Variants in FER observed in about 807,000 individuals in gnomAD.
FER encodes FER tyrosine kinase.
A neutral mutation model predicts 111.0 loss-of-function variants in FER; 63 were observed. The observed-to-expected ratio is 0.57, with a 90% CI of 0.46 to 0.70. The LOEUF is 0.70. FER is among the 30% of genes least tolerant of loss of function. The pLI is 0.00. For synonymous variants in FER, 327 were observed against 313.9 expected (o/e 1.04, Z -0.44); for missense variants, 914 against 954.0 (o/e 0.96, Z 0.55).
In FER at chr5:108,848,945, T is replaced by A. The variant is rs183444339; in HGVS notation, c.481+13138T>A. Among the ~76,000 whole-genome samples the A allele has an allele frequency of 5.2e-3, 798 of 152,188 alleles. 8 individuals carry two copies. Among genetic ancestry groups the A allele is most frequent in the African/African-American group, 0.018 (760 of 41,556 alleles). On this transcript the variant is annotated intron_variant, in intron 5 of 19. Coordinates refer to ENST00000281092, the MANE Select transcript of FER (RefSeq NM_005246.4). ...TTTTTGGGAGTATAGAATTTTTTTT[T>A]AAACAGATTTTTACCTCTTTATGTA...
At chr5:108,924,780 C>G in intron 10 of FER, 1 of 1,232,040 alleles carries the variant, frequency 8.1e-7, no homozygotes, top group Non-Finnish European at 1.0e-6. Context: ...CAGAAGTCCA[C>G]AGAGATCAGG....
intron 16 of FER, among the ~76,000 whole-genome samples, chr5:109,070,129 G>T (rs765316183): frequency 2.8e-5 from 4 of 142,252 alleles, no homozygotes; most frequent in Admixed American, 2.1e-4. Flanking sequence ...AATAATAAAG[G>T]TTGATTTTTT....
At chr5:108,908,066 T>C (rs1481947715) in intron 10 of FER, among the ~76,000 whole-genome samples, 1 of 152,206 alleles carries the variant, frequency 6.6e-6, no homozygotes, top group Admixed American at 6.5e-5. Flanking sequence ...AATTAGATTT[T>C]CTTCCTTTGA....
chr5:109,150,072 A>G (rs1011975280), intron 17 of FER, among the ~76,000 whole-genome samples: 1 of 151,982 alleles, frequency 6.6e-6, no homozygotes, highest in African/African-American at 2.4e-5. Flanking sequence ...TCATCCCCAA[A>G]ATATCCCCAC....
At chr5:109,087,814 A>T (rs1561878362) in intron 16 of FER, among the ~76,000 whole-genome samples, 1 of 151,872 alleles carries the variant, frequency 6.6e-6, no homozygotes, top group African/African-American at 2.4e-5. Flanking sequence ...TTTGAGTAGA[A>T]TATCTATAAT....
At chr5:109,137,529 G>T (rs1001010715) in intron 17 of FER, among the ~76,000 whole-genome samples, 1 of 152,220 alleles carries the variant, frequency 6.6e-6, no homozygotes, top group African/African-American at 2.4e-5. Context: ...TCCAATTGTA[G>T]AGAATAAAGT....
At chr5:109,183,118 G>A (rs781754317) in intron 18 of FER, among the ~76,000 whole-genome samples, 4 of 152,212 alleles carry the variant, frequency 2.6e-5, no homozygotes, top group Middle Eastern at 3.4e-3. Context: ...TATAGGAGAC[G>A]TTTATAGTAT....
In FER at chr5:109,190,581, A is replaced by C. The variant is rs1259153099; in HGVS notation, c.*3006A>C. The C allele has an allele frequency of 6.6e-6, 1 of 152,144 alleles. No individual in the cohort carries two copies. Among genetic ancestry groups the C allele is most frequent in the East Asian group, 1.9e-4 (1 of 5,192 alleles). 9.4% of individuals were successfully genotyped at this position (152,144 alleles called of 1,614,324 possible). On this transcript the variant is annotated 3_prime_UTR_variant, in exon 20 of 20. Transcript: ENST00000281092. Reference sequence around the variant, plus strand: ...AAACCTAAAATTAATTTTGCATTCCATGTAATCTAAGGCCAAAGCCAACAT... The same window carrying C: ...AAACCTAAAATTAATTTTGCATTCCCTGTAATCTAAGGCCAAAGCCAACAT...
At chr5:109,091,870 A>G (rs1271568295) in intron 16 of FER, among the ~76,000 whole-genome samples, 3 of 152,180 alleles carry the variant, frequency 2.0e-5, no homozygotes, top group African/African-American at 7.2e-5. Flanking sequence ...GTGAATAAAT[A>G]AAGAGGGAAG....
chr5:108,799,648 G>T (rs1756414444), intron 3 of FER, among the ~76,000 whole-genome samples: 1 of 152,088 alleles, frequency 6.6e-6, no homozygotes, highest in Non-Finnish European at 1.5e-5. Context: ...AATTTAACTG[G>T]ATATCCTTTA....
At chr5:108,855,594 G>GAA (rs199949845) in intron 5 of FER, among the ~76,000 whole-genome samples, 24,735 of 102,412 alleles carry the variant, frequency 0.24, 2,585 homozygotes, top group Middle Eastern at 0.28. Context: ...GCACTCCAGC[G>GAA]AAAAAAAAAA....
At chr5:108,911,538 G>A (rs779042559) in intron 10 of FER, among the ~76,000 whole-genome samples, 4 of 152,090 alleles carry the variant, frequency 2.6e-5, no homozygotes, top group Non-Finnish European at 5.9e-5. Context: ...AATTCTTCGT[G>A]TAGGCCAATG....
intron 17 of FER, among the ~76,000 whole-genome samples, chr5:109,110,575 T>G (rs1749486560): frequency 6.6e-6 from 1 of 152,050 alleles, no homozygotes; most frequent in Non-Finnish European, 1.5e-5. Context: ...CCACATGAGG[T>G]GGGGGTAATT....
chr5:108,962,272 G>A (rs1759247023), intron 13 of FER, among the ~76,000 whole-genome samples: 1 of 152,100 alleles, frequency 6.6e-6, no homozygotes. Context: ...TGTAAAGAGG[G>A]GTTATTAATC....
intron 17 of FER, among the ~76,000 whole-genome samples, chr5:109,128,719 A>C (rs1342909783): frequency 6.6e-6 from 1 of 152,184 alleles, no homozygotes; most frequent in Non-Finnish European, 1.5e-5. Flanking sequence ...TAAAATAATA[A>C]ATACACATAT....
chr5:109,082,166 C>T (rs770120382), intron 16 of FER, among the ~76,000 whole-genome samples: 3 of 151,920 alleles, frequency 2.0e-5, no homozygotes, highest in South Asian at 2.1e-4. Context: ...GTCCTTTGAG[C>T]GTTATTCTTT....
chr5:108,993,084 C>A (rs371015463), intron 13 of FER, among the ~76,000 whole-genome samples: 1 of 150,062 alleles, frequency 6.7e-6, no homozygotes, highest in Non-Finnish European at 1.5e-5. Context: ...GGCTCCTCAC[C>A]TCCCAGACGA....
At chr5:108,856,710 T>C (rs1447778312) in intron 5 of FER, among the ~76,000 whole-genome samples, 3 of 152,192 alleles carry the variant, frequency 2.0e-5, no homozygotes, top group South Asian at 4.1e-4. Context: ...CTAAATTTTC[T>C]GTAAATGTTG....
intron 5 of FER, among the ~76,000 whole-genome samples, chr5:108,865,728 C>A (rs1763979523): frequency 6.6e-6 from 1 of 152,074 alleles, no homozygotes; most frequent in Non-Finnish European, 1.5e-5. Flanking sequence ...TGAACTCAAA[C>A]AAGTTTACAA....
Sources: gnomAD v4.1 joint callset for allele counts (sites outside exome capture counted in the v4.1 genomes callset) on GRCh38, gnomAD v4.1.1 for gene constraint, MANE v1.5 for transcripts, NCBI Gene and HGNC (gene_info 2026-07-23, HGNC 2026-07-21) for gene names.